TBC1D14: variants seen among roughly 807,000 people sequenced by gnomAD.
TBC1D14 encodes the protein TBC1 domain family member 14.
A neutral mutation model predicts 79.0 loss-of-function variants in TBC1D14; 26 were observed. The observed-to-expected ratio is 0.33, with a 90% CI of 0.24 to 0.46. TBC1D14 has a LOEUF of 0.46. Among genes scored for constraint, TBC1D14 ranks in the 20% least tolerant of loss-of-function variants. The probability of loss-of-function intolerance (pLI) is 1.00; values close to 1 mark genes in which losing one functional copy is unlikely to be tolerated. For missense variants in TBC1D14, 769 were observed against 887.6 expected, an observed-to-expected ratio of 0.87 and a Z score of 1.70; for synonymous variants, 394 against 349.9, an observed-to-expected ratio of 1.13 and a Z score of -1.40.
chr4:7,003,745 A>T (rs1184346749), intron 7 of TBC1D14, among the ~76,000 whole-genome samples: 1 of 151,350 alleles, frequency 6.6e-6, no homozygotes, highest in Non-Finnish European at 1.5e-5. Flanking sequence ...GGCGCTTGTC[A>T]TCCCAGCACT....
chr4:6,938,001 G>A, intron 2 of TBC1D14, among the ~76,000 whole-genome samples: 1 of 152,142 alleles, frequency 6.6e-6, no homozygotes, highest in Admixed American at 6.5e-5. Flanking sequence ...CAGGAGTGTT[G>A]GAGAAAGGAA....
intron 2 of TBC1D14, among the ~76,000 whole-genome samples, chr4:6,960,603 T>G (rs1715103928): frequency 6.6e-6 from 1 of 152,210 alleles, no homozygotes; most frequent in Non-Finnish European, 1.5e-5. Flanking sequence ...TCAGGAACTC[T>G]TGGGTTGTTT....
intron 8 of TBC1D14, 88 bp downstream of exon 8, chr4:7,005,012 A>G: frequency 8.3e-7 from 1 of 1,210,664 alleles, no homozygotes; most frequent in Non-Finnish European, 1.2e-6. Flanking sequence ...GACGTTAACT[A>G]CAGTAGAGAT....
chr4:6,988,965 C>G (rs957240913), intron 3 of TBC1D14, among the ~76,000 whole-genome samples: 20 of 130,120 alleles, frequency 1.5e-4, no homozygotes, highest in African/African-American at 5.8e-4. Flanking sequence ...CAACCTTGAA[C>G]TCCTGGGCTC....
At chr4:6,944,889 C>G (rs1036356746) in intron 2 of TBC1D14, among the ~76,000 whole-genome samples, 1 of 152,208 alleles carries the variant, frequency 6.6e-6, no homozygotes, top group Non-Finnish European at 1.5e-5. Flanking sequence ...TCTCCCGTCT[C>G]CTCTGCAGCT....
intron 8 of TBC1D14, 21 bp downstream of exon 8, chr4:7,004,945 A>G (rs752375038): frequency 4.4e-6 from 7 of 1,605,978 alleles, no homozygotes; most frequent in Non-Finnish European, 6.0e-6. Context: ...TTCTAAAACC[A>G]GCGGACTGCT....
At chr4:6,933,115 T>A (rs1246784296) in intron 2 of TBC1D14, among the ~76,000 whole-genome samples, 1 of 151,978 alleles carries the variant, frequency 6.6e-6, no homozygotes, top group Non-Finnish European at 1.5e-5. Flanking sequence ...CCCCTCCATA[T>A]TGAAAACCAG....
chr4:6,972,327 C>G (rs1716296319), intron 3 of TBC1D14, among the ~76,000 whole-genome samples: 1 of 152,210 alleles, frequency 6.6e-6, no homozygotes, highest in Admixed American at 6.5e-5. Flanking sequence ...CAATTCTTAT[C>G]TCTGAGGTCA....
Position 7,016,007 on chromosome 4 carries a change from A to C in TBC1D14, c.1757+1450A>C, listed in dbSNP as rs79641949. ...TTTGTTGTTGTTGCCCACTTTCTTCATCAGGGAAAAGGCCTTCTGGAAGGT... is the reference window on the plus strand; with the variant it reads ...TTTGTTGTTGTTGCCCACTTTCTTCCTCAGGGAAAAGGCCTTCTGGAAGGT... On this transcript the variant is annotated intron_variant, in intron 12 of 13. Transcript: ENST00000409757. Among the ~76,000 whole-genome samples, 1,186 of 152,364 alleles carry C rather than the reference A, an allele frequency of 7.8e-3. 18 individuals are homozygous for C. Among genetic ancestry groups the C allele is most frequent in the African/African-American group, 0.027 (1,117 of 41,582 alleles).
chr4:7,027,729 C>T (rs1170839543), intron 13 of TBC1D14, among the ~76,000 whole-genome samples: 1 of 135,612 alleles, frequency 7.4e-6, no homozygotes, highest in Admixed American at 7.5e-5. Context: ...ACAATCACCC[C>T]CCACACATCA....
intron 3 of TBC1D14, among the ~76,000 whole-genome samples, chr4:6,989,057 T>C (rs1278261730): frequency 6.6e-6 from 1 of 152,104 alleles, no homozygotes; most frequent in African/African-American, 2.4e-5. Context: ...TACTTCTTCA[T>C]TGTTTGAGAA....
chr4:6,938,746 A>G, intron 2 of TBC1D14, among the ~76,000 whole-genome samples: 1 of 152,178 alleles, frequency 6.6e-6, no homozygotes, highest in South Asian at 2.1e-4. Flanking sequence ...TGCCTCGTGG[A>G]TCCCGCATTC....
chr4:7,016,682 G>A (rs889668380), intron 12 of TBC1D14, among the ~76,000 whole-genome samples: 2 of 152,206 alleles, frequency 1.3e-5, no homozygotes, highest in Admixed American at 6.5e-5. Flanking sequence ...TCATGACCCA[G>A]TACCTAACCC....
intron 1 of TBC1D14, among the ~76,000 whole-genome samples, chr4:6,911,775 C>T (rs1255303199): frequency 6.6e-6 from 1 of 152,170 alleles, no homozygotes; most frequent in African/African-American, 2.4e-5. Flanking sequence ...ATCTCTCTCT[C>T]CCGTTGGTCA....
Position 7,032,479 on chromosome 4 carries a change from A to G in TBC1D14, c.*2087A>G, listed in dbSNP as rs548489069. 8 of 152,610 alleles carry G rather than the reference A, an allele frequency of 5.2e-5. No homozygotes were observed. The highest frequency in any genetic ancestry group is 1.2e-4 in the Non-Finnish European group (8 of 68,058). The allele number at this position is 152,610 out of a possible 1,614,324, so 9.5% of individuals were successfully genotyped here. A position where few individuals can be genotyped will look rare whatever the true frequency, so the allele number is the denominator to read the frequency against. On this transcript the variant is annotated 3_prime_UTR_variant, in exon 14 of 14. Coordinates refer to ENST00000409757, the MANE Select transcript of TBC1D14 (RefSeq NM_020773.3). ...CGTGTTCCTGGTGAAGCAGTTTCAC[A>G]TCAGTCTCTCCAGATAGCACTACGA...
upstream of TBC1D14, chr4:6,909,506 G>T (rs1722785458): frequency 6.6e-6 from 1 of 152,250 alleles, no homozygotes; most frequent in Admixed American, 6.5e-5. Flanking sequence ...AGCCGACCAG[G>T]TAAGGGGCCC....
chr4:6,946,680 T>G (rs1391361977), intron 2 of TBC1D14, among the ~76,000 whole-genome samples: 1 of 152,186 alleles, frequency 6.6e-6, no homozygotes, highest in Non-Finnish European at 1.5e-5. Flanking sequence ...GGTAACTGAT[T>G]GATGATATCT....
chr4:6,941,139 G>A (rs897535311), intron 2 of TBC1D14, among the ~76,000 whole-genome samples: 3 of 147,404 alleles, frequency 2.0e-5, no homozygotes, highest in African/African-American at 5.1e-5. Flanking sequence ...ATTTCCTTCT[G>A]TTGGTGGGCT....
intron 2 of TBC1D14, among the ~76,000 whole-genome samples, chr4:6,964,412 C>T (rs1244693748): frequency 6.6e-6 from 1 of 152,192 alleles, no homozygotes; most frequent in Non-Finnish European, 1.5e-5. Flanking sequence ...GGTGCCTTCC[C>T]CTTCCTGACT....
Sources: allele counts gnomAD v4.1 joint callset (sites outside exome capture counted in the v4.1 genomes callset), GRCh38; gene constraint gnomAD v4.1.1; transcripts MANE v1.5; gene names NCBI Gene and HGNC (gene_info 2026-07-23, HGNC 2026-07-21).